Variants in ADAMTS17 observed in about 807,000 individuals in gnomAD.
The protein encoded by ADAMTS17 is A disintegrin and metalloproteinase with thrombospondin motifs 17.
In ADAMTS17, 113 loss-of-function variants were observed where a neutral mutation model predicts 141.5. The observed-to-expected ratio is 0.80, with a 90% CI of 0.69 to 0.93. The LOEUF is 0.93. Ranked by LOEUF, ADAMTS17 falls within the 40% of genes least tolerant of loss-of-function variation. ADAMTS17 has a pLI of 0.00. For synonymous variants in ADAMTS17, 768 were observed against 630.6 expected, an observed-to-expected ratio of 1.22 and a Z score of -3.27; for missense variants, 1,659 against 1,517.9, an observed-to-expected ratio of 1.09 and a Z score of -1.54.
At chr15:100,146,342 A>C (rs1270934692) in intron 10 of ADAMTS17, among the ~76,000 whole-genome samples, 2 of 152,222 alleles carry the variant, frequency 1.3e-5, no homozygotes, top group African/African-American at 2.4e-5. Flanking sequence ...TCCCCAAATT[A>C]ATACTTTTAT....
At chr15:100,033,302 G>C (rs1011982969) in intron 18 of ADAMTS17, among the ~76,000 whole-genome samples, 1 of 152,074 alleles carries the variant, frequency 6.6e-6, no homozygotes, top group South Asian at 2.1e-4. Context: ...AGTCATGAAG[G>C]GTTTGGAAAA....
chr15:100,289,548 TCACACACACACACA>T (rs35262820), intron 3 of ADAMTS17, among the ~76,000 whole-genome samples: 17 of 146,450 alleles, frequency 1.2e-4, no homozygotes, highest in African/African-American at 4.2e-4. Flanking sequence ...ATACACACAC[TCACACACACACACA>T]CACACACACT....
intron 18 of ADAMTS17, among the ~76,000 whole-genome samples, chr15:100,031,468 C>G (rs997105691): frequency 5.3e-5 from 8 of 152,132 alleles, no homozygotes; most frequent in Non-Finnish European, 1.2e-4. Context: ...TAGGACACAG[C>G]ATGGGTAAAG....
intron 4 of ADAMTS17, among the ~76,000 whole-genome samples, chr15:100,280,407 G>A (rs1053263815): frequency 1.3e-5 from 2 of 151,650 alleles, no homozygotes; most frequent in Non-Finnish European, 1.5e-5. Context: ...CCACACTCAC[G>A]CCAGCCCCAA....
In ADAMTS17 at chr15:100,323,758, T is replaced by A. The variant is rs113200094; in HGVS notation, c.616+7131A>T. 8.1e-3 allele frequency among the ~76,000 whole-genome samples: 1,231 copies of A among 152,332 alleles called. 11 individuals are homozygous for A. Among genetic ancestry groups the A allele is most frequent in the Non-Finnish European group, 0.012 (816 of 68,020 alleles). On this transcript the variant is annotated intron_variant, in intron 3 of 21. Transcript: ENST00000268070. ...CTAGATTTGCATTTATTAAGATGGA[T>A]AAATCTAGAAGACATGACTGTGAGT... is the stretch of plus-strand genomic sequence containing the variant.
intron 3 of ADAMTS17, among the ~76,000 whole-genome samples, chr15:100,324,728 T>A (rs998759648): frequency 6.6e-6 from 1 of 152,218 alleles, no homozygotes; most frequent in African/African-American, 2.4e-5. Context: ...TCTCCCTGAC[T>A]TAATACAGAA....
chr15:100,313,362 A>G (rs1307722897), intron 3 of ADAMTS17, among the ~76,000 whole-genome samples: 1 of 152,250 alleles, frequency 6.6e-6, no homozygotes, highest in Non-Finnish European at 1.5e-5. Flanking sequence ...TAAGGTTGTC[A>G]TAACATTAGA....
chr15:100,213,578 G>A (rs976738970), intron 7 of ADAMTS17, among the ~76,000 whole-genome samples: 5 of 152,194 alleles, frequency 3.3e-5, no homozygotes, highest in African/African-American at 1.2e-4. Context: ...CTCTCTCTCG[G>A]TCTAACATAA....
In ADAMTS17 at chr15:100,124,119, A is replaced by G. The variant is rs538010879; in HGVS notation, c.1722-7106T>C. 1.5e-3 allele frequency among the ~76,000 whole-genome samples: 235 copies of G among 152,084 alleles called. 1 individual carries two copies. The highest frequency in any genetic ancestry group is 3.0e-3 in the Non-Finnish European group (201 of 67,984). On this transcript the variant is annotated intron_variant, in intron 12 of 21. Coordinates refer to ENST00000268070, the MANE Select transcript of ADAMTS17 (RefSeq NM_139057.4). The stretch of plus-strand genomic sequence containing the variant: ...GCTAAGATTACAGGTGTGCGCCACC[A>G]TGCCCGGCTAATTTTTTTGTATTTT...
At chr15:100,012,401 A>G (rs2061204826) in intron 18 of ADAMTS17, among the ~76,000 whole-genome samples, 1 of 152,094 alleles carries the variant, frequency 6.6e-6, no homozygotes, top group Non-Finnish European at 1.5e-5. Flanking sequence ...AGTCCCAACT[A>G]TTTATCTTTG....
At position 100,080,557 on chromosome 15, in the gene ADAMTS17, A is replaced by T. The variant is rs189648358; in HGVS notation, c.2137+15799T>A. On this transcript the variant is annotated intron_variant, in intron 15 of 21. Coordinates refer to ENST00000268070, the MANE Select transcript of ADAMTS17 (RefSeq NM_139057.4). ...GTTTGGGTCACTCCACCAAGAAAAA[A>T]CCCACGTCTTGCTGAGGTGCTTGCT... Among the ~76,000 whole-genome samples the T allele has an allele frequency of 4.8e-3, 732 of 152,118 alleles. 9 individuals are homozygous for T. Among genetic ancestry groups the T allele is most frequent in the African/African-American group, 0.016 (683 of 41,494 alleles).
rs183291352 is a variant in ADAMTS17, at chr15:100,024,408, T to C, written c.2591+24449A>G. ...CTTGCATATTACTCTGTCATATAGATAGAGCCATACATTACTGAACCAGTG... is the reference window on the plus strand; with the variant it reads ...CTTGCATATTACTCTGTCATATAGACAGAGCCATACATTACTGAACCAGTG... On this transcript the variant is annotated intron_variant, in intron 18 of 21. Transcript: ENST00000268070. Among the ~76,000 whole-genome samples the C allele has an allele frequency of 2.6e-5, 4 of 152,368 alleles. No individual in the cohort carries two copies. In the East Asian group the frequency reaches 7.7e-4, roughly 29 times the overall value.
chr15:100,262,865 C>CA (rs2043578039), intron 4 of ADAMTS17, among the ~76,000 whole-genome samples: 1 of 147,002 alleles, frequency 6.8e-6, no homozygotes, highest in Non-Finnish European at 1.5e-5. Flanking sequence ...CTTATTGGAA[C>CA]AAAAAATACA....
intron 3 of ADAMTS17, among the ~76,000 whole-genome samples, chr15:100,307,672 T>C (rs1202068623): frequency 2.0e-5 from 3 of 152,290 alleles, no homozygotes; most frequent in Admixed American, 1.3e-4. Flanking sequence ...CGTTTTACTG[T>C]GATGAAAACA....
intron 20 of ADAMTS17, chr15:99,978,823 TCCCAAGA>T (rs1340732384): frequency 6.6e-6 from 1 of 151,928 alleles, no homozygotes; most frequent in East Asian, 1.9e-4. Context: ...GTGGAGGGGG[TCCCAAGA>T]CCCAGAGCTC....
At chr15:100,234,980 A>G (rs780530353) in intron 7 of ADAMTS17, among the ~76,000 whole-genome samples, 9 of 152,222 alleles carry the variant, frequency 5.9e-5, no homozygotes, top group Non-Finnish European at 1.0e-4. Flanking sequence ...AGGCATGAAT[A>G]AGCTGAATTG....
chr15:100,131,778 CA>C (rs1252475905), intron 12 of ADAMTS17, among the ~76,000 whole-genome samples: 4 of 152,206 alleles, frequency 2.6e-5, no homozygotes, highest in Non-Finnish European at 4.4e-5. Context: ...ATGAGGGAGT[CA>C]GCTCACCCCA....
intron 7 of ADAMTS17, among the ~76,000 whole-genome samples, chr15:100,206,083 C>T (rs981560353): frequency 2.0e-5 from 3 of 152,246 alleles, no homozygotes; most frequent in Non-Finnish European, 2.9e-5. Flanking sequence ...CTTTCCCAGA[C>T]CATGGGTGGC....
chr15:100,130,975 A>G (rs34119103), intron 12 of ADAMTS17, among the ~76,000 whole-genome samples: 2 of 151,910 alleles, frequency 1.3e-5, no homozygotes. Flanking sequence ...CCAAATGCCC[A>G]TCAATGATAG....
Sources: gnomAD v4.1 joint callset for allele counts (sites outside exome capture counted in the v4.1 genomes callset) on GRCh38, gnomAD v4.1.1 for gene constraint, MANE v1.5 for transcripts, NCBI Gene and HGNC (gene_info 2026-07-23, HGNC 2026-07-21) for gene names.